The following MTF2 variants were observed in gnomAD, a reference collection of about 807,000 sequenced individuals.
MTF2 encodes metal response element binding transcription factor 2, also known as metal-response element-binding transcription factor 2.
Under a neutral mutation model 79.5 loss-of-function variants are expected in MTF2, and 11 were observed. That is an observed-to-expected ratio of 0.14 (90% CI 0.09 to 0.23). The LOEUF is 0.23. MTF2 is among the 10% of genes least tolerant of loss of function. The pLI is 1.00. For synonymous variants in MTF2, 208 were observed against 232.8 expected (o/e 0.89, Z 0.97); for missense variants, 486 against 711.2 (o/e 0.68, Z 3.60).
chr1:93,103,036 G>T (rs959306583), intron 1 of MTF2, among the ~76,000 whole-genome samples: 2 of 151,944 alleles, frequency 1.3e-5, no homozygotes, highest in South Asian at 4.1e-4. Context: ...GGAGGCTGAG[G>T]CAGGAGAATT....
At chr1:93,123,816 C>CT (rs78978620) in intron 9 of MTF2, among the ~76,000 whole-genome samples, 2,127 of 110,502 alleles carry the variant, frequency 0.019, 27 homozygotes, top group Middle Eastern at 0.029. Context: ...ATTTTAAAGA[C>CT]TTTTTTTTTT....
chr1:93,118,295 T>G, intron 6 of MTF2, 50 bp from the exon 7 acceptor site: 1 of 1,211,850 alleles, frequency 8.3e-7, no homozygotes, highest in East Asian at 2.5e-5. Flanking sequence ...AAATGAACCT[T>G]TCCCTTAAGA....
chr1:93,129,173 G>C, intron 10 of MTF2, 105 bp from the exon 11 acceptor site: 1 of 696,710 alleles, frequency 1.4e-6, no homozygotes, highest in Non-Finnish European at 2.2e-6. Flanking sequence ...GTAGTATTGG[G>C]TGGGCTTTCA....
Position 93,118,280 on chromosome 1 carries a change from T to TTTA in MTF2, c.633-65_633-64insTTA, listed in dbSNP as rs1553153773. ...AGGCCACTTTTTTTTTTTTTTTTTT[T>TTTA]AAAGAAATGAACCTTTCCCTTAAGA... On this transcript the variant is annotated intron_variant, in intron 6 of 14. Transcript: ENST00000370298. 5 of 801,804 alleles carry TTTA rather than the reference T, an allele frequency of 6.2e-6. No homozygotes were observed. In the African/African-American group the frequency reaches 7.6e-5, roughly 12 times the overall value. 49.7% of individuals were successfully genotyped at this position (801,804 alleles called of 1,614,324 possible). A position where few individuals can be genotyped will look rare whatever the true frequency, so the allele number is the denominator to read the frequency against.
intron 1 of MTF2, among the ~76,000 whole-genome samples, chr1:93,084,903 C>T (rs1654773580): frequency 6.6e-6 from 1 of 152,014 alleles, no homozygotes; most frequent in Non-Finnish European, 1.5e-5. Context: ...AAAAGAAATA[C>T]TTTGAACATA....
At chr1:93,106,963 C>T (rs1243459061) in intron 1 of MTF2, among the ~76,000 whole-genome samples, 1 of 152,220 alleles carries the variant, frequency 6.6e-6, no homozygotes, top group African/African-American at 2.4e-5. Context: ...ATTCTTCCTG[C>T]ATTTTTACTT....
rs576700509 is a variant in MTF2 at position 93,085,472 on chromosome 1, C to T, written c.5+5941C>T. ...GATTACAGGCGTGAGCCACTGCACC[C>T]GGCCTTTTTTTTTTTTTTTTTTTCT... On this transcript the variant is annotated intron_variant, in intron 1 of 14. Transcript: ENST00000370298. Among the ~76,000 whole-genome samples the T allele has an allele frequency of 1.1e-3, 147 of 128,122 alleles. 1 individual carries two copies. Among genetic ancestry groups the T allele is most frequent in the African/African-American group, 3.2e-3 (118 of 36,736 alleles). The allele number at this position is 128,122 out of a possible 152,430, so 84.1% of individuals were successfully genotyped here.
intron 1 of MTF2, among the ~76,000 whole-genome samples, chr1:93,108,606 A>ATTT (rs35393630): frequency 2.9e-5 from 3 of 103,492 alleles, no homozygotes; most frequent in Non-Finnish European, 6.2e-5. Context: ...TGCTTTCAAG[A>ATTT]TTTTTTTTTT....
At chr1:93,084,502 A>G (rs1319721855) in intron 1 of MTF2, among the ~76,000 whole-genome samples, 2 of 152,042 alleles carry the variant, frequency 1.3e-5, no homozygotes. Flanking sequence ...AAATTTTAGG[A>G]TCAATCTGTG....
chr1:93,121,094 G>A (rs1656458737), intron 9 of MTF2: 2 of 978,556 alleles, frequency 2.0e-6, no homozygotes, highest in African/African-American at 1.8e-5. Flanking sequence ...CTGACTTGTA[G>A]GAATGGTGGG....
intron 8 of MTF2, chr1:93,119,854 A>C (rs1656399495): frequency 1.3e-5 from 2 of 153,792 alleles, no homozygotes; most frequent in Admixed American, 1.3e-4. Context: ...ATCAACAGAT[A>C]GGATTTAACC....
At position 93,121,609 on chromosome 1, in the gene MTF2, A is replaced by G. The variant is rs372735291; in HGVS notation, c.921+937A>G. ...TGGGATATCAGGGAGAACATAATGC[A>G]TGATTTAGTTTGTAGTTTTAAAATC... On this transcript the variant is annotated intron_variant, in intron 9 of 14. Coordinates refer to ENST00000370298, the MANE Select transcript of MTF2 (RefSeq NM_007358.4). 11 of 976,332 alleles carry G rather than the reference A, an allele frequency of 1.1e-5. No homozygotes were observed. In the East Asian group the frequency reaches 4.6e-4, roughly 40 times the overall value. 60.5% of individuals were successfully genotyped at this position (976,332 alleles called of 1,614,324 possible).
In MTF2 at chr1:93,137,145, CA is replaced by C. The variant is rs1557563905; in HGVS notation, c.*124del. 1 of 790,034 alleles carries C rather than the reference CA, an allele frequency of 1.3e-6. No individual in the cohort carries two copies. Among genetic ancestry groups the C allele is most frequent in the South Asian group, 2.0e-5 (1 of 50,462 alleles). The allele number at this position is 790,034 out of a possible 1,614,324, so 48.9% of individuals were successfully genotyped here. A position where few individuals can be genotyped will look rare whatever the true frequency, so the allele number is the denominator to read the frequency against. ...AAAAAAAAAAAAAGTCAAAAAAATTCAAAAAAGGGGATGATACTAGCCTTAA... is the reference window on the plus strand; with the variant it reads ...AAAAAAAAAAAAAGTCAAAAAAATTCAAAAAGGGGATGATACTAGCCTTAA... On this transcript the variant is annotated 3_prime_UTR_variant, in exon 15 of 15. Transcript: ENST00000370298.
At chr1:93,109,869 A>G (rs1655960236) in intron 1 of MTF2, among the ~76,000 whole-genome samples, 1 of 152,098 alleles carries the variant, frequency 6.6e-6, no homozygotes, top group African/African-American at 2.4e-5. Flanking sequence ...AATGTAATTC[A>G]CTTTTATTCT....
At chr1:93,117,968 A>AG (rs1413652776) in intron 6 of MTF2, among the ~76,000 whole-genome samples, 1 of 152,100 alleles carries the variant, frequency 6.6e-6, no homozygotes, top group Non-Finnish European at 1.5e-5. Context: ...AGGCTGCATG[A>AG]GCCATGGTCA....
Position 93,129,174 on chromosome 1 carries a change from T to C in MTF2, c.990-104T>C, listed in dbSNP as rs547534210. 248 of 703,358 alleles carry C rather than the reference T, an allele frequency of 3.5e-4. 2 individuals are homozygous for C. In the South Asian group the frequency reaches 9.7e-3, roughly 28 times the overall value. 43.6% of individuals were successfully genotyped at this position (703,358 alleles called of 1,614,324 possible). ...GGAAGTGAATTTTTGTAGTATTGGG[T>C]GGGCTTTCAAGTATAAGGGCCTTAT... On this transcript the variant is annotated intron_variant, in intron 10 of 14. Coordinates refer to ENST00000370298, the MANE Select transcript of MTF2 (RefSeq NM_007358.4).
rs542973050 is a variant in MTF2, at chr1:93,107,628, C to A, written c.6-2602C>A. Among the ~76,000 whole-genome samples, 157 of 152,306 alleles carry A rather than the reference C, an allele frequency of 1.0e-3. 1 individual carries two copies. Among genetic ancestry groups the A allele is most frequent in the African/African-American group, 3.2e-3 (133 of 41,570 alleles). The stretch of plus-strand genomic sequence containing the variant: ...GCTTTTTCATGGAACACCATTTTTA[C>A]TTGAAACAGCCACTTAGTTCTGTAT... On this transcript the variant is annotated intron_variant, in intron 1 of 14. Coordinates refer to ENST00000370298, the MANE Select transcript of MTF2 (RefSeq NM_007358.4).
At chr1:93,105,507 T>G (rs540847332) in intron 1 of MTF2, among the ~76,000 whole-genome samples, 3 of 152,196 alleles carry the variant, frequency 2.0e-5, no homozygotes, top group Non-Finnish European at 2.9e-5. Flanking sequence ...AGTTGTAGTT[T>G]CCTCATGTAA....
chr1:93,096,249 T>G (rs1655282242), intron 1 of MTF2, among the ~76,000 whole-genome samples: 1 of 152,198 alleles, frequency 6.6e-6, no homozygotes, highest in African/African-American at 2.4e-5. Context: ...TGTTTTGTCA[T>G]GAAAAGGAAC....
Sources: allele counts gnomAD v4.1 joint callset (sites outside exome capture counted in the v4.1 genomes callset), GRCh38; gene constraint gnomAD v4.1.1; transcripts MANE v1.5; gene names NCBI Gene and HGNC (gene_info 2026-07-23, HGNC 2026-07-21).